Variants in LINGO1 observed in about 807,000 individuals in gnomAD.
LINGO1 encodes leucine-rich repeat and immunoglobulin-like domain-containing nogo receptor-interacting protein 1.
LINGO1 carries 11 observed loss-of-function variants against 37.3 expected under a neutral mutation model. The ratio of observed to expected loss-of-function variants is 0.29; its 90% CI spans 0.19 to 0.49. The LOEUF (loss-of-function observed/expected upper bound fraction) is 0.49. Among genes scored for constraint, LINGO1 ranks in the 20% least tolerant of loss-of-function variants. The pLI is 0.99. For synonymous variants in LINGO1, 387 were observed against 403.0 expected, an observed-to-expected ratio of 0.96 and a Z score of 0.48; for missense variants, 585 against 878.2, an observed-to-expected ratio of 0.67 and a Z score of 4.22.
At chr15:77,774,057 G>A (rs900731903) in intron 1 of LINGO1, among the ~76,000 whole-genome samples, 1 of 152,092 alleles carries the variant, frequency 6.6e-6, no homozygotes, top group Non-Finnish European at 1.5e-5. Context: ...CTCCTTGGCT[G>A]CACAGCTCCT....
chr15:77,705,670 A>G (rs1237487539), intron 2 of LINGO1, among the ~76,000 whole-genome samples: 1 of 152,184 alleles, frequency 6.6e-6, no homozygotes, highest in Non-Finnish European at 1.5e-5. Flanking sequence ...CCTGACTTGG[A>G]GCTAATTTTT....
upstream of LINGO1, among the ~76,000 whole-genome samples, chr15:77,635,536 C>T (rs1308287748): frequency 4.0e-5 from 6 of 151,194 alleles, no homozygotes; most frequent in African/African-American, 7.4e-5. Context: ...TGTGACACAC[C>T]GGGATGGCCT....
At chr15:77,811,781 T>G (rs4886918) in intron 1 of LINGO1, among the ~76,000 whole-genome samples, 100,852 of 152,082 alleles carry the variant, frequency 0.66, 33,770 homozygotes, top group African/African-American at 0.72. Context: ...AATGTTTAGG[T>G]GTGAAAAGGC....
intron 1 of LINGO1, among the ~76,000 whole-genome samples, chr15:77,766,317 A>C (rs1367939749): frequency 4.7e-5 from 7 of 147,554 alleles, no homozygotes; most frequent in Admixed American, 2.0e-4. Context: ...AAAAAAAAAA[A>C]CACACAAACA....
At chr15:77,688,469 G>A (rs758683674) in intron 2 of LINGO1, among the ~76,000 whole-genome samples, 2 of 152,140 alleles carry the variant, frequency 1.3e-5, no homozygotes, top group African/African-American at 4.8e-5. Context: ...GGAAGAGGGC[G>A]GGCAGCAGAA....
At chr15:77,666,365 C>T (rs1025102236) in intron 3 of LINGO1, among the ~76,000 whole-genome samples, 1 of 152,190 alleles carries the variant, frequency 6.6e-6, no homozygotes, top group East Asian at 1.9e-4. Flanking sequence ...AGGCACACAT[C>T]AGAGAACATG....
chr15:77,811,184 C>T (rs562553578), intron 1 of LINGO1, among the ~76,000 whole-genome samples: 17 of 152,176 alleles, frequency 1.1e-4, no homozygotes, highest in African/African-American at 3.6e-4. Context: ...GGCAGCCCAG[C>T]TGCTTCTGCC....
At chr15:77,751,937 T>A (rs900151928) in intron 1 of LINGO1, among the ~76,000 whole-genome samples, 1 of 152,162 alleles carries the variant, frequency 6.6e-6, no homozygotes, top group Non-Finnish European at 1.5e-5. Flanking sequence ...CTTTGTTCCA[T>A]CATCTCACCA....
upstream of LINGO1, among the ~76,000 whole-genome samples, chr15:77,792,012 T>A (rs1489772953): frequency 6.6e-6 from 1 of 152,050 alleles, no homozygotes; most frequent in Non-Finnish European, 1.5e-5. Flanking sequence ...CTCAGAGGCT[T>A]CAGATACCAC....
At chr15:77,818,308 T>C (rs1015476362) in intron 1 of LINGO1, among the ~76,000 whole-genome samples, 9 of 152,210 alleles carry the variant, frequency 5.9e-5, no homozygotes, top group African/African-American at 2.2e-4. Flanking sequence ...GGACCACAGC[T>C]TTCCATCCCA....
intron 1 of LINGO1, among the ~76,000 whole-genome samples, chr15:77,753,482 C>A (rs1474960026): frequency 6.6e-6 from 1 of 152,194 alleles, no homozygotes; most frequent in Non-Finnish European, 1.5e-5. Context: ...AGCAGCCCTC[C>A]CTGGGGCTGG....
chr15:77,778,698 C>G (rs1271160245), intron 1 of LINGO1, among the ~76,000 whole-genome samples: 1 of 152,224 alleles, frequency 6.6e-6, no homozygotes, highest in African/African-American at 2.4e-5. Context: ...TCCACGGCCA[C>G]CAGCACAGAC....
chr15:77,676,733 G>T (rs187981329), intron 3 of LINGO1, among the ~76,000 whole-genome samples: 1 of 152,348 alleles, frequency 6.6e-6, no homozygotes, highest in East Asian at 1.9e-4. Flanking sequence ...CAAGGCACTC[G>T]GCAGGTGTGT....
At chr15:77,783,795 A>G (rs1025081781) in intron 1 of LINGO1, among the ~76,000 whole-genome samples, 2 of 152,158 alleles carry the variant, frequency 1.3e-5, no homozygotes, top group African/African-American at 4.8e-5. Context: ...GCTAGACCCA[A>G]ATCCAGGCTC....
At chr15:77,741,781 C>T (rs917120403) in intron 1 of LINGO1, among the ~76,000 whole-genome samples, 1 of 152,228 alleles carries the variant, frequency 6.6e-6, no homozygotes, top group Middle Eastern at 3.2e-3. Flanking sequence ...ACCAGCCCTG[C>T]CTTGCTTCTG....
chr15:77,816,016 A>G (rs1303379711), intron 1 of LINGO1, among the ~76,000 whole-genome samples: 2 of 152,142 alleles, frequency 1.3e-5, no homozygotes, highest in African/African-American at 4.8e-5. Context: ...TCACGTTCGC[A>G]TTCTCCATTC....
chr15:77,639,951 T>C (rs924225139), intron 3 of LINGO1, among the ~76,000 whole-genome samples: 2 of 152,120 alleles, frequency 1.3e-5, no homozygotes, highest in Non-Finnish European at 2.9e-5. Context: ...AAGTGTGTTA[T>C]CCACTCACTC....
intron 1 of LINGO1, among the ~76,000 whole-genome samples, chr15:77,782,922 AGCAGGGCGGCTAAG>A (rs2076734661): frequency 2.0e-5 from 3 of 151,988 alleles, no homozygotes. Context: ...CCTGCTCCTC[AGCAGGGCGGCTAAG>A]GCTGTTTCCC....
chr15:77,737,993 C>T (rs1488340193), intron 1 of LINGO1, among the ~76,000 whole-genome samples: 3 of 152,164 alleles, frequency 2.0e-5, no homozygotes. Flanking sequence ...TTGTCATCTC[C>T]GCTTGCTCAT....
Sources: allele counts gnomAD v4.1 joint callset (sites outside exome capture counted in the v4.1 genomes callset), GRCh38; gene constraint gnomAD v4.1.1; transcripts MANE v1.5; gene names NCBI Gene and HGNC (gene_info 2026-07-23, HGNC 2026-07-21).